Variants in MYO9B observed in about 807,000 individuals in gnomAD.
MYO9B encodes the protein unconventional myosin-IXb.
Under a neutral mutation model 229.5 loss-of-function variants are expected in MYO9B, and 71 were observed. The ratio of observed to expected loss-of-function variants is 0.31; its 90% CI spans 0.26 to 0.38. MYO9B has a LOEUF of 0.38. Among genes scored for constraint, MYO9B ranks in the 10% least tolerant of loss-of-function variants. MYO9B has a pLI of 1.00. For missense variants in MYO9B, 2,255 were observed against 2,920.5 expected, an observed-to-expected ratio of 0.77 and a Z score of 5.25; for synonymous variants, 1,185 against 1,235.8, an observed-to-expected ratio of 0.96 and a Z score of 0.86.
In MYO9B at chr19:17,187,943, G is replaced by A. The variant is rs764367542; in HGVS notation, c.2586G>A (p.Leu862=). 3.8e-6 allele frequency: 6 copies of A among 1,585,414 alleles called. No homozygotes were observed. The South Asian group carries it at 6.9e-5, about 18-fold the overall frequency. Residue 862 remains leucine (L), a synonymous_variant, in exon 19 of 40, where the codon CTG becomes CTA. Coordinates refer to ENST00000682292, the MANE Select transcript of MYO9B (RefSeq NM_004145.4). ...TCGCATTCCCATTTCAGAAAGAGCT[G>A]TGCTTTGACGACGAGCTGGTCCTGC... ...CIRSNAEKKE[L]CFDDELVLQQ...
intron 2 of MYO9B, among the ~76,000 whole-genome samples, chr19:17,127,580 T>A (rs1222876761): frequency 1.3e-5 from 2 of 152,170 alleles, no homozygotes; most frequent in Non-Finnish European, 2.9e-5. Context: ...CCGCCCTCCT[T>A]GGCCTCCCAA....
chr19:17,130,000 T>G (rs2072174395), intron 2 of MYO9B, among the ~76,000 whole-genome samples: 1 of 152,054 alleles, frequency 6.6e-6, no homozygotes, highest in Non-Finnish European at 1.5e-5. Flanking sequence ...GTTATTTTTC[T>G]TTAAGAGACA....
In MYO9B at chr19:17,202,226, C is replaced by A. The variant is rs755311993; in HGVS notation, c.4759C>A (p.Leu1587Met). ...TGAGCGTGGCCAGAAGGACACCAAC[C>A]TGGTCCTCAACCTCTTCCAGTCACT... ...ATERGQKDTNLVLNLFQSLLD... is the reference protein window; with the variant it reads ...ATERGQKDTNMVLNLFQSLLD... Residue 1587 changes from leucine (L) to methionine (M), a missense_variant, in exon 28 of 40, where the codon CTG (leucine) becomes ATG (methionine). By Grantham distance (15) the Leu-to-Met change is conservative. Coordinates refer to ENST00000682292, the MANE Select transcript of MYO9B (RefSeq NM_004145.4). 1 of 1,611,044 alleles carries A rather than the reference C, an allele frequency of 6.2e-7. No individual in the cohort carries two copies. Among genetic ancestry groups the A allele is most frequent in the South Asian group, 1.1e-5 (1 of 90,600 alleles).
In MYO9B at chr19:17,193,177, G is replaced by A. The variant is rs2073005402; in HGVS notation, c.3128+115G>A. Reference sequence around the variant, plus strand: ...TGTGGCACTAAGGGGATGTCATTCTGGACACAGGGAAAGGCTGGTGGGAAA... The same window carrying A: ...TGTGGCACTAAGGGGATGTCATTCTAGACACAGGGAAAGGCTGGTGGGAAA... On this transcript the variant is annotated intron_variant, in intron 21 of 39. Coordinates refer to ENST00000682292, the MANE Select transcript of MYO9B (RefSeq NM_004145.4). This position sits in a 1 kb window ranked among gnomAD's most constrained non-coding sequence, Gnocchi z 4.3. 1 of 1,193,090 alleles carries A rather than the reference G, an allele frequency of 8.4e-7. No homozygotes were observed. Among genetic ancestry groups the A allele is most frequent in the South Asian group, 1.8e-5 (1 of 54,368 alleles). The allele number at this position is 1,193,090 out of a possible 1,614,324, so 73.9% of individuals were successfully genotyped here. A position where few individuals can be genotyped will look rare whatever the true frequency, so the allele number is the denominator to read the frequency against.
intron 2 of MYO9B, among the ~76,000 whole-genome samples, chr19:17,115,025 G>A (rs1379385033): frequency 1.4e-5 from 2 of 147,060 alleles, no homozygotes; most frequent in African/African-American, 5.1e-5. Context: ...GTCTAGCCCT[G>A]TCGCCCAAGC....
Position 17,198,268 on chromosome 19 carries a change from C to G in MYO9B, c.4198C>G (p.Pro1400Ala). The G allele has an allele frequency of 6.2e-7, 1 of 1,613,944 alleles. No homozygotes were observed. The highest frequency in any genetic ancestry group is 2.2e-5 in the East Asian group (1 of 44,880). The change falls in exon 24 of 40, where the codon CCA (proline) becomes GCA (alanine). Residue 1400 changes from proline (P) to alanine (A), a missense_variant. Transcript: ENST00000682292. ...KKKPGDASSL[P>A]DAGLSPGSQV... Reference sequence around the variant, plus strand: ...GAAGCCAGGCGACGCATCCTCCCTCCCAGACGCAGGGCTGTCCCCGGGCTC... The same window carrying G: ...GAAGCCAGGCGACGCATCCTCCCTCGCAGACGCAGGGCTGTCCCCGGGCTC...
At chr19:17,174,560 C>G (rs1437920812) in intron 13 of MYO9B, among the ~76,000 whole-genome samples, 1 of 152,152 alleles carries the variant, frequency 6.6e-6, no homozygotes, top group East Asian at 1.9e-4. Flanking sequence ...TCGCTTGAAC[C>G]CGGGAGGCGG....
chr19:17,096,599 G>C (rs2057690762), intron 1 of MYO9B, among the ~76,000 whole-genome samples: 1 of 151,590 alleles, frequency 6.6e-6, no homozygotes, highest in Non-Finnish European at 1.5e-5. Flanking sequence ...ATTCCAGACT[G>C]AGTGACAGAG....
In MYO9B at chr19:17,101,575, C is replaced by A; in HGVS notation, c.-58-85C>A. 2 of 1,307,840 alleles carry A rather than the reference C, an allele frequency of 1.5e-6. No individual in the cohort carries two copies. Among genetic ancestry groups the A allele is most frequent in the Non-Finnish European group, 2.0e-6 (2 of 984,840 alleles). The allele number at this position is 1,307,840 out of a possible 1,614,324, so 81.0% of individuals were successfully genotyped here. ...GGGAACTCCAGCATCGGGTCAGGTGCTATCTGCCCAGGAGTGGGACTCCAC... is the reference window on the plus strand; with the variant it reads ...GGGAACTCCAGCATCGGGTCAGGTGATATCTGCCCAGGAGTGGGACTCCAC... On this transcript the variant is annotated intron_variant, in intron 1 of 39. Transcript: ENST00000682292. This position sits in a 1 kb window ranked among gnomAD's most constrained non-coding sequence, Gnocchi z 4.7.
At chr19:17,211,429 C>G (rs1311764727) in intron 38 of MYO9B, among the ~76,000 whole-genome samples, 2 of 152,182 alleles carry the variant, frequency 1.3e-5, no homozygotes, top group Non-Finnish European at 2.9e-5. Flanking sequence ...TGCACACCAC[C>G]ACGCCTGGCT....
chr19:17,167,540 C>T (rs754924179), intron 10 of MYO9B, among the ~76,000 whole-genome samples: 3 of 143,870 alleles, frequency 2.1e-5, no homozygotes, highest in African/African-American at 5.2e-5. Flanking sequence ...GGACTAATGG[C>T]GCAATCTTGG....
intron 10 of MYO9B, among the ~76,000 whole-genome samples, chr19:17,166,170 G>A (rs2072657507): frequency 6.6e-6 from 1 of 152,054 alleles, no homozygotes; most frequent in Non-Finnish European, 1.5e-5. Flanking sequence ...AGCCTCCCCA[G>A]TAGCTGGGGT....
intron 11 of MYO9B, among the ~76,000 whole-genome samples, chr19:17,169,464 C>T (rs953974993): frequency 3.3e-5 from 5 of 151,200 alleles, no homozygotes; most frequent in African/African-American, 1.2e-4. Context: ...ACTAAAAATG[C>T]AAAAATTAGC....
chr19:17,143,329 C>G (rs1339512123), intron 2 of MYO9B, among the ~76,000 whole-genome samples: 2 of 152,212 alleles, frequency 1.3e-5, no homozygotes, highest in Non-Finnish European at 2.9e-5. Flanking sequence ...CTATACACCT[C>G]TGTATTTTTC....
chr19:17,208,455 G>A (rs1244816580), intron 35 of MYO9B, among the ~76,000 whole-genome samples: 5 of 149,128 alleles, frequency 3.4e-5, no homozygotes, highest in Non-Finnish European at 5.9e-5. Context: ...TTTTTGAGAC[G>A]GAGTCTCACT....
intron 3 of MYO9B, among the ~76,000 whole-genome samples, chr19:17,146,638 A>T (rs559752562): frequency 6.6e-6 from 1 of 152,148 alleles, no homozygotes. Context: ...GAGTAGATTC[A>T]TGGGTAGGTG....
chr19:17,146,865 T>A (rs2072417539), intron 3 of MYO9B, among the ~76,000 whole-genome samples: 1 of 152,172 alleles, frequency 6.6e-6, no homozygotes, highest in African/African-American at 2.4e-5. Context: ...GCTGTGTCAA[T>A]GGGATTTGTA....
intron 10 of MYO9B, among the ~76,000 whole-genome samples, chr19:17,165,975 T>C (rs1320881222): frequency 1.3e-5 from 2 of 152,206 alleles, no homozygotes; most frequent in Non-Finnish European, 2.9e-5. Flanking sequence ...ACAGACATTG[T>C]CTGGTTCATA....
In MYO9B at chr19:17,119,627, AGTTTTTT is replaced by A. The variant is rs746884507; in HGVS notation, c.840+17075_840+17081del. Among the ~76,000 whole-genome samples the A allele has an allele frequency of 1.7e-4, 25 of 151,504 alleles. 1 individual carries two copies. Among genetic ancestry groups the A allele is most frequent in the African/African-American group, 4.6e-4 (19 of 40,976 alleles). ...GGCAGGAGGATCATTTGAGCTCAGG[AGTTTTTT>A]GTTTGTTTGTTTGTTTTGTTTTGTT... On this transcript the variant is annotated intron_variant, in intron 2 of 39. Transcript: ENST00000682292.
Sources: allele counts gnomAD v4.1 joint callset (sites outside exome capture counted in the v4.1 genomes callset), GRCh38; gene constraint gnomAD v4.1.1; non-coding constraint Gnocchi (gnomAD v3.1); transcripts MANE v1.5; gene names NCBI Gene and HGNC (gene_info 2026-07-23, HGNC 2026-07-21).